The following RAD50 variants were observed in gnomAD, a reference collection of about 807,000 sequenced individuals.
RAD50 encodes the protein DNA repair protein RAD50.
In RAD50, 132 loss-of-function variants were observed where a neutral mutation model predicts 168.8. The observed-to-expected ratio is 0.78, with a 90% CI of 0.68 to 0.90. The LOEUF is 0.90. Ranked by LOEUF, RAD50 falls within the 40% of genes least tolerant of loss-of-function variation. The pLI, the probability that RAD50 is intolerant of heterozygous loss-of-function variation, is 0.00. For missense variants in RAD50, 1,347 were observed against 1,534.4 expected (o/e 0.88, Z 2.04); for synonymous variants, 525 against 497.4 (o/e 1.06, Z -0.74).
At chr5:132,564,171 G>T (rs1750169052) in intron 2 of RAD50, among the ~76,000 whole-genome samples, 1 of 152,186 alleles carries the variant, frequency 6.6e-6, no homozygotes, top group South Asian at 2.1e-4. Context: ...TTTGGAACTG[G>T]GTAATGGGTA....
intron 1 of RAD50, 32 bp downstream of exon 1, chr5:132,557,485 G>A: frequency 1.2e-6 from 2 of 1,613,596 alleles, no homozygotes; most frequent in Non-Finnish European, 1.7e-6. Context: ...TCAGTTTACA[G>A]GTCGCTACAT....
intron 9 of RAD50, among the ~76,000 whole-genome samples, chr5:132,590,621 A>AT: frequency 6.6e-6 from 1 of 152,228 alleles, no homozygotes; most frequent in East Asian, 1.9e-4. Context: ...GTATTTCCAT[A>AT]TTTTCTTTCT....
At chr5:132,605,555 G>A (rs1414335239) in intron 16 of RAD50, among the ~76,000 whole-genome samples, 3 of 151,988 alleles carry the variant, frequency 2.0e-5, no homozygotes, top group Non-Finnish European at 4.4e-5. Flanking sequence ...ATGTTGTTCA[G>A]GCTGGTCTCA....
chr5:132,640,551 C>T (rs1751695171), intron 23 of RAD50, 121 bp from the exon 24 acceptor site: 13 of 1,383,286 alleles, frequency 9.4e-6, no homozygotes, highest in Non-Finnish European at 1.3e-5. Context: ...AGTGCTTTAC[C>T]TAACAGTGAA....
chr5:132,567,660 C>A lies in RAD50; in HGVS notation c.214-8117C>A, dbSNP rs569520053. Among the ~76,000 whole-genome samples the A allele has an allele frequency of 2.6e-5, 4 of 152,240 alleles. No individual in the cohort carries two copies. In the East Asian group the frequency reaches 7.7e-4, roughly 29 times the overall value. ...AATGAGGGCTAGTAGAGAACAACTA[C>A]CAAGGTGGCAAGTGGGGCTGTGAGT... On this transcript the variant is annotated intron_variant, in intron 2 of 24. Coordinates refer to ENST00000378823, the MANE Select transcript of RAD50 (RefSeq NM_005732.4).
intron 2 of RAD50, among the ~76,000 whole-genome samples, chr5:132,564,026 C>G (rs941188402): frequency 1.3e-5 from 2 of 152,140 alleles, no homozygotes; most frequent in African/African-American, 4.8e-5. Flanking sequence ...CCTGCAGAAC[C>G]GTGAGCCAAT....
chr5:132,558,876 C>T (rs1750068206), intron 1 of RAD50, among the ~76,000 whole-genome samples: 1 of 152,136 alleles, frequency 6.6e-6, no homozygotes, highest in Admixed American at 6.5e-5. Flanking sequence ...AGCTGCACTG[C>T]AGCCTGGGCA....
intron 3 of RAD50, 54 bp from the exon 4 acceptor site, chr5:132,579,263 A>C (rs1405428313): frequency 1.3e-6 from 2 of 1,549,778 alleles, no homozygotes; most frequent in East Asian, 2.3e-5. Flanking sequence ...TAAGCAATAG[A>C]ATAGATACAC....
intron 9 of RAD50, among the ~76,000 whole-genome samples, chr5:132,590,481 AAAG>A (rs1482498938): frequency 1.3e-5 from 2 of 152,172 alleles, no homozygotes; most frequent in African/African-American, 4.8e-5. Context: ...AAAAAAAGAA[AAAG>A]AACACTTGCC....
chr5:132,607,591 A>T (rs546670193), intron 16 of RAD50, among the ~76,000 whole-genome samples: 3 of 152,332 alleles, frequency 2.0e-5, no homozygotes, highest in Non-Finnish European at 4.4e-5. Flanking sequence ...AATATAAAAT[A>T]GTACTTGCAT....
In RAD50 at chr5:132,612,752, G is replaced by C. The variant is rs1158578194; in HGVS notation, c.3037-3251G>C. 4.0e-5 allele frequency among the ~76,000 whole-genome samples: 6 copies of C among 151,894 alleles called. No homozygotes were observed. In the East Asian group the frequency reaches 1.2e-3, roughly 29 times the overall value. ...CTGAGGTGGGAGGATTGCTTGAGCT[G>C]GGGAGTTCAAGGCTGCAGTGAGCCC... On this transcript the variant is annotated intron_variant, in intron 19 of 24. Coordinates refer to ENST00000378823, the MANE Select transcript of RAD50 (RefSeq NM_005732.4).
intron 16 of RAD50, among the ~76,000 whole-genome samples, chr5:132,607,284 C>T (rs1241541458): frequency 6.6e-6 from 1 of 152,104 alleles, no homozygotes; most frequent in Non-Finnish European, 1.5e-5. Flanking sequence ...TCTGCAGATC[C>T]TTTATCTATG....
intron 2 of RAD50, among the ~76,000 whole-genome samples, chr5:132,565,387 C>T (rs1287919683): frequency 3.3e-5 from 5 of 152,066 alleles, no homozygotes; most frequent in Non-Finnish European, 5.9e-5. Context: ...AATGTCTCAT[C>T]GTTGCATCAG....
intron 21 of RAD50, among the ~76,000 whole-genome samples, chr5:132,621,100 TA>T (rs761197368): frequency 1.3e-5 from 2 of 152,208 alleles, no homozygotes; most frequent in Non-Finnish European, 2.9e-5. Flanking sequence ...GTTTACTTTT[TA>T]ATTTTTAAAT....
intron 21 of RAD50, among the ~76,000 whole-genome samples, chr5:132,634,932 A>C (rs1237338123): frequency 6.6e-6 from 1 of 152,030 alleles, no homozygotes; most frequent in Non-Finnish European, 1.5e-5. Context: ...CTTACTACTA[A>C]ATTTCGTTTT....
rs116978841 is a variant in RAD50 at position 132,645,913 on chromosome 5, C to T, written c.*3549C>T. 1 of 152,134 alleles carries T rather than the reference C, an allele frequency of 6.6e-6. No homozygotes were observed. Among genetic ancestry groups the T allele is most frequent in the East Asian group, 1.9e-4 (1 of 5,184 alleles). 9.4% of individuals were successfully genotyped at this position (152,134 alleles called of 1,614,324 possible). On this transcript the variant is annotated 3_prime_UTR_variant, in exon 25 of 25. Coordinates refer to ENST00000378823, the MANE Select transcript of RAD50 (RefSeq NM_005732.4). ...AAGTCTGAGCAACATAGTGACATCCCATCTTTACATAAAATTTTTAAAAAA... is the reference window on the plus strand; with the variant it reads ...AAGTCTGAGCAACATAGTGACATCCTATCTTTACATAAAATTTTTAAAAAA...
At chr5:132,629,731 A>G (rs949337033) in intron 21 of RAD50, among the ~76,000 whole-genome samples, 4 of 152,162 alleles carry the variant, frequency 2.6e-5, no homozygotes, top group Non-Finnish European at 5.9e-5. Context: ...AGTCAGTGTA[A>G]TTGTTGCGTT....
Position 132,557,458 on chromosome 5 carries a change from G to A in RAD50, c.129+5G>A, listed in dbSNP as rs587781409. On this transcript the variant is annotated splice_donor_5th_base_variant and intron_variant, in intron 1 of 24. Coordinates refer to ENST00000378823, the MANE Select transcript of RAD50 (RefSeq NM_005732.4). ...CCCAATGGGGCGGGAAAGACGGTAA[G>A]TCTTCAGTAGCCGCCTTCAGTTTAC... 84 of 1,614,082 alleles carry A rather than the reference G, an allele frequency of 5.2e-5. No individual in the cohort carries two copies. The highest frequency in any genetic ancestry group is 6.8e-5 in the Non-Finnish European group (80 of 1,179,998).
At chr5:132,568,956 T>C (rs1012052149) in intron 2 of RAD50, among the ~76,000 whole-genome samples, 3 of 152,204 alleles carry the variant, frequency 2.0e-5, no homozygotes, top group African/African-American at 7.2e-5. Context: ...TCCAACTGTT[T>C]GTTGCTCAAA....
Sources: allele counts gnomAD v4.1 joint callset (sites outside exome capture counted in the v4.1 genomes callset), GRCh38; gene constraint gnomAD v4.1.1; transcripts MANE v1.5; gene names NCBI Gene and HGNC (gene_info 2026-07-23, HGNC 2026-07-21).